Variants in ABTB3 observed in about 807,000 individuals in gnomAD.
ABTB3 encodes ankyrin repeat- and BTB/POZ domain-containing protein 3.
chr12:107,529,635 T>C, the ABTB3 span, among the ~76,000 whole-genome samples: 3 of 152,224 alleles, frequency 2.0e-5, no homozygotes, highest in Non-Finnish European at 4.4e-5. Flanking sequence ...ATTTTGCAGA[T>C]GAAATGAAGG....
At chr12:107,460,394 C>A in the ABTB3 span, among the ~76,000 whole-genome samples, 1 of 152,250 alleles carries the variant, frequency 6.6e-6, no homozygotes, top group Non-Finnish European at 1.5e-5. Flanking sequence ...GTGGCTCATG[C>A]CTGTAATCCC....
chr12:107,420,023 A>G, the ABTB3 span, among the ~76,000 whole-genome samples: 4 of 152,254 alleles, frequency 2.6e-5, no homozygotes, highest in East Asian at 7.7e-4. Context: ...CCAAGTTGAG[A>G]GGTTGGCAGT....
At chr12:107,582,763 C>A in the ABTB3 span, among the ~76,000 whole-genome samples, 1 of 152,164 alleles carries the variant, frequency 6.6e-6, no homozygotes, top group East Asian at 1.9e-4. Context: ...CCTCTGCCAC[C>A]GGACTGTGCT....
the ABTB3 span, among the ~76,000 whole-genome samples, chr12:107,601,467 C>T: frequency 1.3e-5 from 2 of 152,160 alleles, no homozygotes; most frequent in Non-Finnish European, 2.9e-5. Flanking sequence ...TATGAGTGAT[C>T]ATGGTTATTG....
At chr12:107,498,455 C>T in the ABTB3 span, among the ~76,000 whole-genome samples, 17 of 152,302 alleles carry the variant, frequency 1.1e-4, no homozygotes, top group African/African-American at 3.1e-4. Flanking sequence ...GCAAACTTAG[C>T]GTCCTAAGAC....
At chr12:107,319,150 C>T in the ABTB3 span, 1 of 1,602,954 alleles carries the variant, frequency 6.2e-7, no homozygotes, top group East Asian at 2.2e-5. Context: ...ACACTGTCAA[C>T]ACTGCCCTGG....
chr12:107,537,636 T>G, the ABTB3 span, among the ~76,000 whole-genome samples: 1 of 152,156 alleles, frequency 6.6e-6, no homozygotes, highest in Non-Finnish European at 1.5e-5. Context: ...CAGCACAGCC[T>G]TCCTCCCAGA....
the ABTB3 span, among the ~76,000 whole-genome samples, chr12:107,490,886 A>G: frequency 6.6e-6 from 1 of 152,224 alleles, no homozygotes; most frequent in South Asian, 2.1e-4. Flanking sequence ...TTCAGTCTTC[A>G]CAACCATCCT....
chr12:107,633,885 C>T, the ABTB3 span, among the ~76,000 whole-genome samples: 4 of 152,278 alleles, frequency 2.6e-5, no homozygotes, highest in South Asian at 2.1e-4. Flanking sequence ...GGGGCGAGGC[C>T]CAAGCATTTA....
At chr12:107,414,211 C>G in the ABTB3 span, among the ~76,000 whole-genome samples, 1 of 152,136 alleles carries the variant, frequency 6.6e-6, no homozygotes, top group Admixed American at 6.5e-5. Context: ...TTCAGCCACA[C>G]AGCATTTCTA....
At chr12:107,350,602 A>G in the ABTB3 span, among the ~76,000 whole-genome samples, 1 of 151,982 alleles carries the variant, frequency 6.6e-6, no homozygotes, top group African/African-American at 2.4e-5. Flanking sequence ...TAAATTTCCC[A>G]TGTGCCACCC....
At chr12:107,352,220 G>A in the ABTB3 span, among the ~76,000 whole-genome samples, 2 of 152,064 alleles carry the variant, frequency 1.3e-5, no homozygotes, top group African/African-American at 2.4e-5. Flanking sequence ...GGGGTCAGGC[G>A]AGGCTCTGGT....
the ABTB3 span, chr12:107,612,650 G>A: frequency 1.5e-4 from 138 of 932,794 alleles, 1 homozygote; most frequent in East Asian, 2.8e-3. Flanking sequence ...AGGGCTGCAC[G>A]TTTATTTTTG....
chr12:107,348,997 C>G, the ABTB3 span, among the ~76,000 whole-genome samples: 1 of 152,152 alleles, frequency 6.6e-6, no homozygotes, highest in Non-Finnish European at 1.5e-5. Context: ...TGGCACTTAG[C>G]TTCCATCTTG....
chr12:107,658,036 G>A, the ABTB3 span: 1 of 362,536 alleles, frequency 2.8e-6, no homozygotes, highest in African/African-American at 2.0e-5. Flanking sequence ...GGTCACTCAG[G>A]TTCCAGGTTG....
chr12:107,645,860 G>A, the ABTB3 span, among the ~76,000 whole-genome samples: 1 of 152,216 alleles, frequency 6.6e-6, no homozygotes, highest in Admixed American at 6.5e-5. Context: ...ACTGTAATGG[G>A]AAGGGAAAAT....
the ABTB3 span, chr12:107,580,962 G>C: frequency 1.9e-6 from 3 of 1,551,646 alleles, no homozygotes; most frequent in Non-Finnish European, 2.6e-6. Flanking sequence ...TCACCGGTGC[G>C]GTCCGGATGT....
the ABTB3 span, among the ~76,000 whole-genome samples, chr12:107,447,150 T>G: frequency 6.6e-6 from 1 of 152,232 alleles, no homozygotes; most frequent in East Asian, 1.9e-4. Flanking sequence ...ACTTTTTTTT[T>G]CTTTTTTTGA....
At chr12:107,427,407 G>A in the ABTB3 span, among the ~76,000 whole-genome samples, 11 of 152,056 alleles carry the variant, frequency 7.2e-5, no homozygotes, top group South Asian at 2.1e-4. Flanking sequence ...TCAACCTCCC[G>A]AGTAGTTGGG....
Sources: allele counts gnomAD v4.1 joint callset (sites outside exome capture counted in the v4.1 genomes callset), GRCh38; gene constraint gnomAD v4.1.1; transcripts MANE v1.5; gene names NCBI Gene and HGNC (gene_info 2026-07-23, HGNC 2026-07-21).